Variants in MDGA2 observed in about 807,000 individuals in gnomAD.
MDGA2 encodes the protein MAM domain-containing glycosylphosphatidylinositol anchor protein 2.
In MDGA2, 40 loss-of-function variants were observed where a neutral mutation model predicts 117.8. That is an observed-to-expected ratio of 0.34 (90% confidence interval 0.26 to 0.44). The LOEUF is 0.44. Ranked by LOEUF, MDGA2 falls within the 20% of genes least tolerant of loss-of-function variation. The pLI is 1.00. For missense variants in MDGA2, 1,123 were observed against 1,250.6 expected, an observed-to-expected ratio of 0.90 and a Z score of 1.54; for synonymous variants, 452 against 439.0, an observed-to-expected ratio of 1.03 and a Z score of -0.37.
At chr14:47,532,336 T>C (rs565569763) in intron 1 of MDGA2, among the ~76,000 whole-genome samples, 46 of 152,352 alleles carry the variant, frequency 3.0e-4, no homozygotes, top group Non-Finnish European at 5.0e-4. Flanking sequence ...CCTGACTTGG[T>C]CTTTCCTTCT....
intron 1 of MDGA2, among the ~76,000 whole-genome samples, chr14:47,301,814 A>T (rs1889295017): frequency 1.3e-5 from 2 of 152,208 alleles, no homozygotes. Context: ...CAAGACCACA[A>T]GATAAAATTT....
At chr14:47,484,172 T>C (rs1894010701) in intron 1 of MDGA2, among the ~76,000 whole-genome samples, 1 of 152,188 alleles carries the variant, frequency 6.6e-6, no homozygotes. Context: ...AGCTATTTTT[T>C]ACAAAGTTTT....
chr14:47,198,015 T>C (rs1359792397), intron 3 of MDGA2, among the ~76,000 whole-genome samples: 3 of 152,280 alleles, frequency 2.0e-5, no homozygotes, highest in South Asian at 4.1e-4. Flanking sequence ...ATACCATTCA[T>C]ATGCACTTTT....
intron 10 of MDGA2, 69 bp from the exon 11 acceptor site, chr14:46,882,290 C>T (rs1882491725): frequency 7.4e-7 from 1 of 1,359,864 alleles, no homozygotes; most frequent in Non-Finnish European, 1.0e-6. Context: ...AAATTGAAAA[C>T]AAATTTTGAA....
At chr14:46,952,344 A>G (rs1162889373) in intron 9 of MDGA2, among the ~76,000 whole-genome samples, 1 of 151,968 alleles carries the variant, frequency 6.6e-6, no homozygotes, top group African/African-American at 2.4e-5. Flanking sequence ...TTAAGTAGTC[A>G]GGGTTATAAG....
intron 10 of MDGA2, among the ~76,000 whole-genome samples, chr14:46,908,223 G>A (rs1479266652): frequency 6.6e-6 from 1 of 152,128 alleles, no homozygotes; most frequent in African/African-American, 2.4e-5. Context: ...GCAGTGCCTA[G>A]AGTAGGCTGA....
chr14:47,547,123 C>T (rs1895478420), intron 1 of MDGA2, among the ~76,000 whole-genome samples: 1 of 152,150 alleles, frequency 6.6e-6, no homozygotes, highest in African/African-American at 2.4e-5. Context: ...TAGACTAAAA[C>T]AGCTCTACTT....
rs72676657 is a variant in MDGA2 at position 46,884,707 on chromosome 14, C to A, written c.2239-2486G>T. ...AATTGGTTATGCATATGGAAAAAAA[C>A]CACTTGAATTGGAACCTTATATCTT... On this transcript the variant is annotated intron_variant, in intron 10 of 16. Transcript: ENST00000399232. The surrounding 1 kb of genome is among the most constrained non-coding windows in gnomAD (Gnocchi z 4.1). Among the ~76,000 whole-genome samples, 29,427 of 151,910 alleles carry A rather than the reference C, an allele frequency of 0.19. 3,192 individuals carry two copies. Among genetic ancestry groups the A allele is most frequent in the Middle Eastern group, 0.39 (115 of 294 alleles).
At chr14:47,625,323 A>G (rs1897122214) in intron 1 of MDGA2, among the ~76,000 whole-genome samples, 3 of 151,958 alleles carry the variant, frequency 2.0e-5, no homozygotes, top group Non-Finnish European at 4.4e-5. Context: ...AAAAAAAAGT[A>G]TGTCATTTAA....
chr14:47,385,665 A>C (rs1891740056), intron 1 of MDGA2, among the ~76,000 whole-genome samples: 1 of 152,156 alleles, frequency 6.6e-6, no homozygotes, highest in Non-Finnish European at 1.5e-5. Context: ...CTCCCCAGCC[A>C]TTAGCAATGC....
chr14:47,141,692 A>C (rs1882724800), intron 4 of MDGA2, among the ~76,000 whole-genome samples: 1 of 151,266 alleles, frequency 6.6e-6, no homozygotes. Context: ...ATTAGGGAGC[A>C]CAATAATCAT....
chr14:47,324,874 T>G (rs139268291), intron 1 of MDGA2, among the ~76,000 whole-genome samples: 6 of 151,358 alleles, frequency 4.0e-5, no homozygotes, highest in Non-Finnish European at 5.9e-5. Flanking sequence ...GAGAGAGAGA[T>G]AAGGCAGTTT....
chr14:47,145,051 A>G (rs760573702), intron 3 of MDGA2, among the ~76,000 whole-genome samples: 8 of 152,022 alleles, frequency 5.3e-5, no homozygotes, highest in African/African-American at 9.7e-5. Context: ...CCAAAATATG[A>G]TCTTGCACAG....
chr14:47,557,615 G>C (rs896498140), intron 1 of MDGA2, among the ~76,000 whole-genome samples: 1 of 152,110 alleles, frequency 6.6e-6, no homozygotes, highest in Non-Finnish European at 1.5e-5. Flanking sequence ...GTTCAAAATG[G>C]AGAAAAATTT....
chr14:47,176,992 G>T (rs1175408635), intron 3 of MDGA2, among the ~76,000 whole-genome samples: 1 of 151,944 alleles, frequency 6.6e-6, no homozygotes, highest in Non-Finnish European at 1.5e-5. Flanking sequence ...GTGGGCGAAG[G>T]ACATGAACAG....
intron 10 of MDGA2, among the ~76,000 whole-genome samples, chr14:46,897,368 C>G (rs1318988297): frequency 6.6e-6 from 1 of 152,028 alleles, no homozygotes; most frequent in South Asian, 2.1e-4. Context: ...AGGAAATTAA[C>G]AGTTGGAGAA....
chr14:46,985,093 G>T (rs956197596), intron 8 of MDGA2, among the ~76,000 whole-genome samples: 3 of 151,988 alleles, frequency 2.0e-5, no homozygotes, highest in African/African-American at 7.2e-5. Flanking sequence ...TCCTCCCATT[G>T]CTCAAGCTGA....
intron 3 of MDGA2, among the ~76,000 whole-genome samples, chr14:47,201,745 A>G (rs910421257): frequency 2.6e-5 from 4 of 152,172 alleles, no homozygotes; most frequent in African/African-American, 7.2e-5. Flanking sequence ...TTTGTATTAC[A>G]AAGACAGTTT....
intron 1 of MDGA2, among the ~76,000 whole-genome samples, chr14:47,370,312 T>A (rs1182320216): frequency 6.9e-6 from 1 of 144,758 alleles, no homozygotes; most frequent in Non-Finnish European, 1.5e-5. Flanking sequence ...ATGCTTTGAA[T>A]AAAAAAAAAA....
Sources: gnomAD v4.1 joint callset for allele counts (sites outside exome capture counted in the v4.1 genomes callset) on GRCh38, gnomAD v4.1.1 for gene constraint, Gnocchi (gnomAD v3.1) non-coding constraint, MANE v1.5 for transcripts, NCBI Gene and HGNC (gene_info 2026-07-23, HGNC 2026-07-21) for gene names.